Variants in TMEM178B observed in about 807,000 individuals in gnomAD.
The protein encoded by TMEM178B is transmembrane protein 178B.
In TMEM178B, 5 loss-of-function variants were observed where a neutral mutation model predicts 31.0. That is an observed-to-expected ratio of 0.16 (90% CI 0.08 to 0.34). The LOEUF (loss-of-function observed/expected upper bound fraction) is 0.34, where lower values mean the gene tolerates loss of function less well. TMEM178B is among the 10% of genes least tolerant of loss of function. The pLI, the probability that TMEM178B is intolerant of heterozygous loss-of-function variation, is 1.00. For missense variants in TMEM178B, 275 were observed against 400.3 expected (o/e 0.69, Z 2.67); for synonymous variants, 164 against 164.0 (o/e 1.00, Z 0.00).
intron 2 of TMEM178B, among the ~76,000 whole-genome samples, chr7:141,425,155 A>C (rs747971443): frequency 6.6e-6 from 1 of 152,238 alleles, no homozygotes; most frequent in South Asian, 2.1e-4. Flanking sequence ...ATGCATAATC[A>C]GTGTTAATTC....
intron 1 of TMEM178B, among the ~76,000 whole-genome samples, chr7:141,208,731 G>T (rs1166505857): frequency 1.3e-5 from 2 of 152,198 alleles, no homozygotes; most frequent in Admixed American, 6.5e-5. Flanking sequence ...TGGCTGGCTG[G>T]GCTGCGGTTG....
chr7:141,441,422 G>C (rs1029237287), intron 3 of TMEM178B, among the ~76,000 whole-genome samples: 4 of 152,220 alleles, frequency 2.6e-5, no homozygotes, highest in Admixed American at 2.6e-4. Flanking sequence ...GAACCATAGA[G>C]AGTTATCACA....
chr7:141,288,642 C>G (rs1412458423), intron 2 of TMEM178B, among the ~76,000 whole-genome samples: 1 of 152,214 alleles, frequency 6.6e-6, no homozygotes, highest in Non-Finnish European at 1.5e-5. Flanking sequence ...CTCCCACCCA[C>G]TCTTTCCTTG....
At chr7:141,276,306 G>A (rs1477998444) in intron 2 of TMEM178B, among the ~76,000 whole-genome samples, 2 of 152,134 alleles carry the variant, frequency 1.3e-5, no homozygotes, top group East Asian at 3.9e-4. Context: ...GCTGAACGAC[G>A]GGGATATACT....
intron 2 of TMEM178B, among the ~76,000 whole-genome samples, chr7:141,213,756 G>T (rs1300276261): frequency 7.9e-5 from 12 of 152,202 alleles, no homozygotes; most frequent in African/African-American, 2.9e-4. Flanking sequence ...AGCTTCGGGT[G>T]GGAGTGGGAG....
At chr7:141,191,963 C>G (rs1405493522) in intron 1 of TMEM178B, among the ~76,000 whole-genome samples, 1 of 152,080 alleles carries the variant, frequency 6.6e-6, no homozygotes, top group African/African-American at 2.4e-5. Context: ...TTAAATTTTT[C>G]CAAACAAATA....
chr7:141,227,196 G>A (rs1797359177), intron 2 of TMEM178B, among the ~76,000 whole-genome samples: 1 of 152,218 alleles, frequency 6.6e-6, no homozygotes, highest in Non-Finnish European at 1.5e-5. Context: ...TAAACAAAAT[G>A]CTTTTGGCTG....
At chr7:141,162,788 A>G (rs1796196816) in intron 1 of TMEM178B, among the ~76,000 whole-genome samples, 1 of 152,228 alleles carries the variant, frequency 6.6e-6, no homozygotes, top group Non-Finnish European at 1.5e-5. Flanking sequence ...ATGGGAGTGA[A>G]GAATAAAGCT....
intron 2 of TMEM178B, among the ~76,000 whole-genome samples, chr7:141,405,646 T>A (rs1586939296): frequency 6.6e-6 from 1 of 152,208 alleles, no homozygotes; most frequent in Non-Finnish European, 1.5e-5. Flanking sequence ...TCCTGACAAC[T>A]GGACTCCTTC....
At chr7:141,238,378 G>A (rs1037618334) in intron 2 of TMEM178B, among the ~76,000 whole-genome samples, 1 of 152,118 alleles carries the variant, frequency 6.6e-6, no homozygotes, top group South Asian at 2.1e-4. Flanking sequence ...AGAGACCTTC[G>A]GGAGCCTGGA....
chr7:141,300,328 A>G (rs2116439883), intron 2 of TMEM178B, among the ~76,000 whole-genome samples: 1 of 152,284 alleles, frequency 6.6e-6, no homozygotes, highest in Middle Eastern at 3.4e-3. Context: ...AGCTGCTTGT[A>G]GGACATGTCC....
chr7:141,507,303 C>T, the TMEM178B span, among the ~76,000 whole-genome samples: 1 of 152,234 alleles, frequency 6.6e-6, no homozygotes, highest in Non-Finnish European at 1.5e-5. Context: ...GAGGGCTCTG[C>T]CCCTGCAACA....
rs898063151 is a variant in TMEM178B, at chr7:141,473,398, A to G, written c.*2612A>G. On this transcript the variant is annotated 3_prime_UTR_variant, in exon 4 of 4. Transcript: ENST00000565468. ...TTTTTCCAGTTGCAGGAGAGAGGGG[A>G]AAAATTCTAAATGGGGAAATTTGCT... The G allele has an allele frequency of 2.6e-5, 4 of 152,166 alleles. No homozygotes were observed. The highest frequency in any genetic ancestry group is 9.7e-5 in the African/African-American group (4 of 41,450). The allele number at this position is 152,166 out of a possible 1,614,324, so 9.4% of individuals were successfully genotyped here.
chr7:141,458,401 A>G (rs1163177932), intron 3 of TMEM178B, among the ~76,000 whole-genome samples: 1 of 152,156 alleles, frequency 6.6e-6, no homozygotes, highest in African/African-American at 2.4e-5. Flanking sequence ...GATCTAGGAG[A>G]TAAGTTCCAT....
intron 2 of TMEM178B, among the ~76,000 whole-genome samples, chr7:141,342,774 C>G (rs752300902): frequency 6.6e-6 from 1 of 152,226 alleles, no homozygotes; most frequent in Non-Finnish European, 1.5e-5. Context: ...GTGTGAAACT[C>G]TCTGACCTAT....
chr7:141,463,090 C>T (rs1024916648), intron 3 of TMEM178B, among the ~76,000 whole-genome samples: 1 of 152,198 alleles, frequency 6.6e-6, no homozygotes, highest in African/African-American at 2.4e-5. Context: ...AGCTCTCAGC[C>T]TGCAGCTACT....
intron 2 of TMEM178B, among the ~76,000 whole-genome samples, chr7:141,223,479 C>CTTTTTTTTTTTTTTTTTTTTTTTTTT (rs10680431): frequency 1.5e-5 from 2 of 131,160 alleles, no homozygotes; most frequent in African/African-American, 6.1e-5. Flanking sequence ...TGTTTTCACT[C>CTTTTTTTTTTTTTTTTTTTTTTTTTT]TTTTTTTTTT....
At chr7:141,496,891 A>T in the TMEM178B span, among the ~76,000 whole-genome samples, 1 of 152,118 alleles carries the variant, frequency 6.6e-6, no homozygotes, top group African/African-American at 2.4e-5. Flanking sequence ...ATACATAAAG[A>T]AAGCATCTCA....
chr7:141,109,974 CTT>C (rs1173110933), intron 1 of TMEM178B, among the ~76,000 whole-genome samples: 2 of 151,808 alleles, frequency 1.3e-5, no homozygotes, highest in Non-Finnish European at 2.9e-5. Flanking sequence ...AAAAAAGACT[CTT>C]AAGCAAAAAT....
Sources: allele counts gnomAD v4.1 joint callset (sites outside exome capture counted in the v4.1 genomes callset), GRCh38; gene constraint gnomAD v4.1.1; transcripts MANE v1.5; gene names NCBI Gene and HGNC (gene_info 2026-07-23, HGNC 2026-07-21).